Variants in GABRB2 observed in about 807,000 individuals in gnomAD.
GABRB2 encodes the protein gamma-aminobutyric acid receptor subunit beta-2.
Under a neutral mutation model 54.7 loss-of-function variants are expected in GABRB2, and 16 were observed. The ratio of observed to expected loss-of-function variants is 0.29; its 90% CI spans 0.20 to 0.44. The LOEUF (loss-of-function observed/expected upper bound fraction) is 0.44, where lower values mean the gene tolerates loss of function less well. Among genes scored for constraint, GABRB2 ranks in the 20% least tolerant of loss-of-function variants. The pLI is 1.00. For synonymous variants in GABRB2, 244 were observed against 233.8 expected (o/e 1.04, Z -0.40); for missense variants, 355 against 644.0 (o/e 0.55, Z 4.86).
At chr5:161,411,195 A>G in intron 4 of GABRB2, 138 bp from the exon 5 acceptor site, 1 of 624,070 alleles carries the variant, frequency 1.6e-6, no homozygotes, top group Non-Finnish European at 2.8e-6. Flanking sequence ...TTGGATAACC[A>G]TATTCCTTTA....
intron 9 of GABRB2, among the ~76,000 whole-genome samples, chr5:161,306,755 C>T (rs962561787): frequency 2.0e-5 from 3 of 151,366 alleles, no homozygotes; most frequent in Admixed American, 6.6e-5. Context: ...TTTTGACACA[C>T]GTTTAATGCT....
chr5:161,465,708 C>A (rs940864844), intron 3 of GABRB2, among the ~76,000 whole-genome samples: 4 of 151,914 alleles, frequency 2.6e-5, no homozygotes, highest in African/African-American at 9.7e-5. Flanking sequence ...TGGACATTTA[C>A]TTCTTGTTAT....
intron 9 of GABRB2, among the ~76,000 whole-genome samples, chr5:161,318,196 A>G (rs1247188555): frequency 6.6e-6 from 1 of 151,968 alleles, no homozygotes; most frequent in Non-Finnish European, 1.5e-5. Flanking sequence ...TAAGATTGGT[A>G]AGAGAGAGAG....
chr5:161,297,173 G>T (rs1248356788), intron 9 of GABRB2, among the ~76,000 whole-genome samples: 1 of 152,118 alleles, frequency 6.6e-6, no homozygotes, highest in East Asian at 1.9e-4. Flanking sequence ...GAGGGTGGTA[G>T]GGTGGGGAAG....
rs252958 is a variant in GABRB2 at position 161,336,815 on chromosome 5, A to C, written c.542-46T>G. 0.2 allele frequency: 143,648 copies of C among 723,622 alleles called. 2,412 individuals carry two copies. The highest frequency in any genetic ancestry group is 0.22 in the Non-Finnish European group (120,334 of 547,484). 44.8% of individuals were successfully genotyped at this position (723,622 alleles called of 1,614,324 possible). A position where few individuals can be genotyped will look rare whatever the true frequency, so the allele number is the denominator to read the frequency against. On this transcript the variant is annotated intron_variant, in intron 5 of 9. Coordinates refer to ENST00000393959, the MANE Select transcript of GABRB2 (RefSeq NM_001371727.1). ...ACACACACACACAAATACAGAAAACAAAAAAAAAAAAACAGACAAAACAGA... is the reference window on the plus strand; with the variant it reads ...ACACACACACACAAATACAGAAAACCAAAAAAAAAAAACAGACAAAACAGA...
chr5:161,324,921 G>C (rs1758319971), intron 9 of GABRB2, among the ~76,000 whole-genome samples: 1 of 151,950 alleles, frequency 6.6e-6, no homozygotes, highest in Non-Finnish European at 1.5e-5. Context: ...TCAAATCATG[G>C]GATAAGAGAG....
intron 3 of GABRB2, 123 bp downstream of exon 3, chr5:161,545,104 T>C (rs1760936553): frequency 1.7e-6 from 1 of 590,930 alleles, no homozygotes; most frequent in Non-Finnish European, 2.9e-6. Context: ...TGAAATTCCA[T>C]GCTCTCACCC....
intron 5 of GABRB2, among the ~76,000 whole-genome samples, chr5:161,376,767 A>G (rs1007099988): frequency 6.6e-6 from 1 of 152,186 alleles, no homozygotes; most frequent in African/African-American, 2.4e-5. Flanking sequence ...CCTGCAATGC[A>G]TTTTAATTAC....
At chr5:161,298,012 T>C (rs1239911805) in intron 9 of GABRB2, among the ~76,000 whole-genome samples, 3 of 152,228 alleles carry the variant, frequency 2.0e-5, no homozygotes, top group African/African-American at 7.2e-5. Flanking sequence ...GTGGTTTTGA[T>C]TTGCATTTCT....
At chr5:161,463,301 T>C (rs561325760) in intron 3 of GABRB2, among the ~76,000 whole-genome samples, 1 of 135,838 alleles carries the variant, frequency 7.4e-6, no homozygotes, top group African/African-American at 3.0e-5. Flanking sequence ...TAAAGTAGCA[T>C]GCATGTACAC....
intron 5 of GABRB2, among the ~76,000 whole-genome samples, chr5:161,392,997 G>A (rs1228847762): frequency 2.6e-5 from 4 of 151,826 alleles, no homozygotes; most frequent in Non-Finnish European, 5.9e-5. Flanking sequence ...ACAATTCTGG[G>A]AGAAAATTCT....
Position 161,368,311 on chromosome 5 carries a change from T to C in GABRB2, c.542-31542A>G, listed in dbSNP as rs1755029229. On this transcript the variant is annotated intron_variant, in intron 5 of 9. Transcript: ENST00000393959. Reference sequence around the variant, plus strand: ...GCTGAAAAGTCTATTCAATTAACAGTGAATGATCAATAATAGGCCAGAGAT... The same window carrying C: ...GCTGAAAAGTCTATTCAATTAACAGCGAATGATCAATAATAGGCCAGAGAT... 2.0e-5 allele frequency among the ~76,000 whole-genome samples: 3 copies of C among 152,152 alleles called. No individual in the cohort carries two copies. In the South Asian group the frequency reaches 6.2e-4, roughly 31 times the overall value.
intron 4 of GABRB2, among the ~76,000 whole-genome samples, chr5:161,424,173 A>G (rs758933416): frequency 6.6e-6 from 1 of 152,164 alleles, no homozygotes; most frequent in African/African-American, 2.4e-5. Flanking sequence ...GCTGATGGAG[A>G]AAAGCTGTAG....
At chr5:161,525,603 G>A (rs76147665) in intron 3 of GABRB2, among the ~76,000 whole-genome samples, 6,431 of 151,156 alleles carry the variant, frequency 0.043, 413 homozygotes, top group East Asian at 0.16. Context: ...ATCTAGTATA[G>A]ATATTTCATT....
chr5:161,308,367 G>C (rs1757763034), intron 9 of GABRB2, among the ~76,000 whole-genome samples: 1 of 152,096 alleles, frequency 6.6e-6, no homozygotes, highest in South Asian at 2.1e-4. Context: ...GAAATGAAAA[G>C]AGAAAAACAT....
At chr5:161,463,989 A>T (rs556207088) in intron 3 of GABRB2, among the ~76,000 whole-genome samples, 1 of 152,158 alleles carries the variant, frequency 6.6e-6, no homozygotes, top group African/African-American at 2.4e-5. Context: ...ATGTAATACT[A>T]TAAAACCTTA....
chr5:161,511,568 G>A (rs1338249124), intron 3 of GABRB2, among the ~76,000 whole-genome samples: 1 of 151,978 alleles, frequency 6.6e-6, no homozygotes, highest in Non-Finnish European at 1.5e-5. Context: ...CATAATTAAT[G>A]GTTATCTTTG....
At chr5:161,436,860 G>A (rs570007345) in intron 4 of GABRB2, among the ~76,000 whole-genome samples, 4 of 152,108 alleles carry the variant, frequency 2.6e-5, no homozygotes, top group South Asian at 2.1e-4. Context: ...TTGAGGCACC[G>A]AATTCAGTGC....
chr5:161,342,417 A>G (rs1397005800), intron 5 of GABRB2, among the ~76,000 whole-genome samples: 1 of 152,036 alleles, frequency 6.6e-6, no homozygotes, highest in Non-Finnish European at 1.5e-5. Context: ...GAGAAACACT[A>G]ATCTGTAATG....
Sources: allele counts gnomAD v4.1 joint callset (sites outside exome capture counted in the v4.1 genomes callset), GRCh38; gene constraint gnomAD v4.1.1; transcripts MANE v1.5; gene names NCBI Gene and HGNC (gene_info 2026-07-23, HGNC 2026-07-21).